Variants in LCMT1 observed in about 807,000 individuals in gnomAD.
LCMT1 encodes [Phosphatase 2A protein]-leucine-carboxy methyltransferase 1.
Under a neutral mutation model 47.7 loss-of-function variants are expected in LCMT1, and 32 were observed. That is an observed-to-expected ratio of 0.67 (90% CI 0.51 to 0.90). The LOEUF is 0.90. Ranked by LOEUF, LCMT1 falls within the 40% of genes least tolerant of loss-of-function variation. The probability of loss-of-function intolerance (pLI) is 0.00; values close to 1 mark genes in which losing one functional copy is unlikely to be tolerated. For missense variants in LCMT1, 375 were observed against 415.2 expected, an observed-to-expected ratio of 0.90 and a Z score of 0.84; for synonymous variants, 152 against 149.7, an observed-to-expected ratio of 1.02 and a Z score of -0.11.
intron 3 of LCMT1, among the ~76,000 whole-genome samples, chr16:25,136,327 C>G (rs1480060472): frequency 6.6e-6 from 1 of 151,730 alleles, no homozygotes; most frequent in Non-Finnish European, 1.5e-5. Context: ...GCAGCTGTTC[C>G]CAGTCTCGGT....
In LCMT1 at chr16:25,111,956, G is replaced by A; in HGVS notation, c.73G>A (p.Gly25Ser). 1 of 1,613,628 alleles carries A rather than the reference G, an allele frequency of 6.2e-7. No homozygotes were observed. The highest frequency in any genetic ancestry group is 8.5e-7 in the Non-Finnish European group (1 of 1,179,756). Residue 25 changes from glycine (G) to serine (S), a missense_variant, in exon 1 of 11, where the codon GGC (glycine) becomes AGC (serine). Physicochemically the swap from Gly to Ser is moderately conservative, Grantham distance 56 (BLOSUM62 0). Coordinates refer to ENST00000399069, the MANE Select transcript of LCMT1 (RefSeq NM_016309.3). ...CTCGAGCTGCGACGCAGACGACGAGGGCGTGCGCGGCACCTGCGAAGATGC... is the reference window on the plus strand; with the variant it reads ...CTCGAGCTGCGACGCAGACGACGAGAGCGTGCGCGGCACCTGCGAAGATGC... ...STSSCDADDE[G>S]VRGTCEDASL...
At chr16:25,131,522 T>C (rs149344366) in intron 2 of LCMT1, among the ~76,000 whole-genome samples, 34 of 152,368 alleles carry the variant, frequency 2.2e-4, no homozygotes, top group African/African-American at 8.2e-4. Flanking sequence ...AAATCATTTA[T>C]TAGTAGATTG....
At chr16:25,135,308 T>TATAA (rs964214085) in intron 3 of LCMT1, among the ~76,000 whole-genome samples, 1 of 150,948 alleles carries the variant, frequency 6.6e-6, no homozygotes, top group Admixed American at 6.6e-5. Flanking sequence ...TATATATATA[T>TATAA]AACATTTGTT....
At chr16:25,151,691 T>C in intron 5 of LCMT1, 76 bp downstream of exon 5, 1 of 638,556 alleles carries the variant, frequency 1.6e-6, no homozygotes, top group East Asian at 3.5e-5. Context: ...ATGGGGTTTG[T>C]GTTGGGTGTG....
intron 1 of LCMT1, among the ~76,000 whole-genome samples, chr16:25,123,763 A>G (rs1387571844): frequency 1.3e-5 from 2 of 150,290 alleles, no homozygotes; most frequent in East Asian, 4.0e-4. Context: ...ATGAGCCACC[A>G]TATGCGGCTA....
At chr16:25,128,047 C>T (rs1385290989) in intron 1 of LCMT1, among the ~76,000 whole-genome samples, 1 of 152,210 alleles carries the variant, frequency 6.6e-6, no homozygotes, top group Non-Finnish European at 1.5e-5. Context: ...TTGGTTAATT[C>T]ATGCTGTTTG....
At chr16:25,139,433 C>G (rs768171838) in intron 3 of LCMT1, among the ~76,000 whole-genome samples, 12 of 151,844 alleles carry the variant, frequency 7.9e-5, no homozygotes, top group Non-Finnish European at 1.8e-4. Context: ...TCGCTTGAAC[C>G]CGGGAGGCAG....
At chr16:25,173,173 C>G (rs150760510) in intron 9 of LCMT1, among the ~76,000 whole-genome samples, 1 of 152,212 alleles carries the variant, frequency 6.6e-6, no homozygotes, top group East Asian at 1.9e-4. Context: ...TGAGTGTCTG[C>G]TGTGTGCCCG....
chr16:25,125,279 A>G (rs1213847136), intron 1 of LCMT1, among the ~76,000 whole-genome samples: 2 of 152,194 alleles, frequency 1.3e-5, no homozygotes, highest in East Asian at 1.9e-4. Flanking sequence ...CATCCTACAC[A>G]TACAATTTTG....
intron 3 of LCMT1, among the ~76,000 whole-genome samples, chr16:25,136,048 G>T (rs1960493857): frequency 7.0e-6 from 1 of 142,968 alleles, no homozygotes; most frequent in African/African-American, 2.6e-5. Flanking sequence ...CCAAGATCGT[G>T]CCACTGCACT....
intron 4 of LCMT1, chr16:25,140,585 C>G: frequency 3.7e-6 from 1 of 268,532 alleles, no homozygotes; most frequent in East Asian, 7.0e-5. Context: ...GTCTTGTTGG[C>G]TCCCTGAAGA....
At chr16:25,166,228 C>G (rs1316268775) in intron 7 of LCMT1, among the ~76,000 whole-genome samples, 2 of 150,564 alleles carry the variant, frequency 1.3e-5, no homozygotes, top group Non-Finnish European at 3.0e-5. Context: ...CGAGACTGCA[C>G]CACTACACTC....
chr16:25,129,410 CAT>C (rs1282259886), intron 2 of LCMT1, among the ~76,000 whole-genome samples: 4 of 152,024 alleles, frequency 2.6e-5, no homozygotes, highest in African/African-American at 9.7e-5. Context: ...TTTAATCTGT[CAT>C]GTGAAAAATG....
intron 5 of LCMT1, among the ~76,000 whole-genome samples, chr16:25,158,378 G>T (rs932101636): frequency 6.6e-6 from 1 of 152,192 alleles, no homozygotes; most frequent in African/African-American, 2.4e-5. Context: ...TCAGCAATTC[G>T]CCTGTCTTGG....
intron 4 of LCMT1, chr16:25,144,529 A>C (rs1398490783): frequency 6.6e-6 from 1 of 152,392 alleles, no homozygotes; most frequent in Non-Finnish European, 1.5e-5. Flanking sequence ...AGTCCTCATC[A>C]TCTGTGGTTG....
intron 5 of LCMT1, among the ~76,000 whole-genome samples, chr16:25,160,087 T>A (rs985623054): frequency 1.3e-5 from 2 of 152,126 alleles, no homozygotes; most frequent in African/African-American, 4.8e-5. Context: ...TAGCTGGGAT[T>A]ACAGGCATGC....
At chr16:25,129,177 C>G (rs985020757) in intron 2 of LCMT1, among the ~76,000 whole-genome samples, 9 of 151,242 alleles carry the variant, frequency 6.0e-5, no homozygotes, top group African/African-American at 2.2e-4. Context: ...TGGCTGCAAA[C>G]AAGTTTTATA....
chr16:25,150,549 G>A (rs1369768897), intron 4 of LCMT1, among the ~76,000 whole-genome samples: 1 of 151,720 alleles, frequency 6.6e-6, no homozygotes, highest in Non-Finnish European at 1.5e-5. Flanking sequence ...TCTCCATTTT[G>A]GTCGGGCTGG....
chr16:25,114,350 A>T (rs772146679), intron 1 of LCMT1, among the ~76,000 whole-genome samples: 25 of 152,188 alleles, frequency 1.6e-4, no homozygotes, highest in Non-Finnish European at 3.4e-4. Context: ...CAGAATTGGT[A>T]GTTAACAGTC....
Sources: allele counts gnomAD v4.1 joint callset (sites outside exome capture counted in the v4.1 genomes callset), GRCh38; gene constraint gnomAD v4.1.1; transcripts MANE v1.5; gene names NCBI Gene and HGNC (gene_info 2026-07-23, HGNC 2026-07-21).